FAM151B: variants seen among roughly 807,000 people sequenced by gnomAD.
FAM151B encodes family with sequence similarity 151 member B.
FAM151B carries 24 observed loss-of-function variants against 31.2 expected under a neutral mutation model. The observed-to-expected ratio is 0.77, with a 90% CI of 0.56 to 1.08. FAM151B has a LOEUF of 1.08. Ranked by LOEUF, FAM151B falls within the 50% of genes least tolerant of loss-of-function variation. The probability of loss-of-function intolerance (pLI) is 0.00; values close to 1 mark genes in which losing one functional copy is unlikely to be tolerated. For missense variants in FAM151B, 293 were observed against 328.6 expected (o/e 0.89, Z 0.84); for synonymous variants, 105 against 111.4 (o/e 0.94, Z 0.36).
At chr5:80,519,554 G>C in intron 3 of FAM151B, 139 bp from the exon 4 acceptor site, 1 of 695,066 alleles carries the variant, frequency 1.4e-6, no homozygotes, top group East Asian at 2.7e-5. Context: ...CTGGTGCTAT[G>C]CGATCTTTGA....
chr5:80,524,033 C>CA (rs879347705), intron 5 of FAM151B, among the ~76,000 whole-genome samples: 6 of 152,058 alleles, frequency 3.9e-5, no homozygotes, highest in Non-Finnish European at 7.4e-5. Context: ...AATCAAATAG[C>CA]ATACTGTATT....
At chr5:80,500,503 C>T in intron 1 of FAM151B, 4 of 766,196 alleles carry the variant, frequency 5.2e-6, no homozygotes, top group Admixed American at 1.7e-5. Flanking sequence ...AACACTGTCA[C>T]AAGGAATATA....
intron 5 of FAM151B, among the ~76,000 whole-genome samples, chr5:80,535,082 T>C (rs776091811): frequency 6.6e-6 from 1 of 152,148 alleles, no homozygotes; most frequent in African/African-American, 2.4e-5. Flanking sequence ...TATAAAACAC[T>C]GGTGCAAGAA....
At chr5:80,525,303 T>C (rs1016828076) in intron 5 of FAM151B, among the ~76,000 whole-genome samples, 4 of 152,156 alleles carry the variant, frequency 2.6e-5, no homozygotes, top group Non-Finnish European at 5.9e-5. Flanking sequence ...TCAAGAGAGC[T>C]ATTTGAAATA....
intron 3 of FAM151B, 144 bp downstream of exon 3, chr5:80,513,913 C>T: frequency 1.3e-6 from 1 of 778,052 alleles, no homozygotes; most frequent in Non-Finnish European, 1.9e-6. Context: ...ACCTAAGACC[C>T]ACTGAGTTAT....
intron 5 of FAM151B, among the ~76,000 whole-genome samples, chr5:80,529,273 C>G (rs1208900736): frequency 6.6e-6 from 1 of 152,084 alleles, no homozygotes; most frequent in East Asian, 1.9e-4. Context: ...TAAATGCCCA[C>G]AAGAGAAAGC....
intron 5 of FAM151B, among the ~76,000 whole-genome samples, chr5:80,537,822 T>G (rs1745588565): frequency 6.6e-6 from 1 of 152,212 alleles, no homozygotes; most frequent in South Asian, 2.1e-4. Context: ...AATGTTATTT[T>G]ATTTAAGTTT....
At chr5:80,488,230 C>A in intron 1 of FAM151B, 82 bp downstream of exon 1, 2 of 1,472,352 alleles carry the variant, frequency 1.4e-6, no homozygotes, top group Non-Finnish European at 1.8e-6. Context: ...TTTGCGGGCT[C>A]CCGCGGTCTT....
intron 1 of FAM151B, chr5:80,500,740 C>A: frequency 3.3e-6 from 3 of 916,398 alleles, no homozygotes; most frequent in South Asian, 1.3e-5. Flanking sequence ...GATTGTAGAG[C>A]CATATATAGC....
chr5:80,541,061 C>T (rs1413873487), intron 5 of FAM151B, among the ~76,000 whole-genome samples: 2 of 152,132 alleles, frequency 1.3e-5, no homozygotes, highest in Non-Finnish European at 2.9e-5. Flanking sequence ...GTTTAAGTAA[C>T]ATTAACATTC....
Position 80,519,828 on chromosome 5 carries a change from A to G in FAM151B, c.453A>G (p.Leu151=). ...NSKVIDAKPF[L]DTVISFFPDV... ...AAGTAATAGATGCAAAACCATTTTT[A>G]GACACCGTGATATCCTTCTTTCCAG... Residue 151 remains leucine, a synonymous_variant, in exon 4 of 6, where the codon TTA becomes TTG. Transcript: ENST00000282226. 6.2e-7 allele frequency: 1 copy of G among 1,614,132 alleles called. No individual in the cohort carries two copies. The highest frequency in any genetic ancestry group is 8.5e-7 in the Non-Finnish European group (1 of 1,179,964).
chr5:80,494,631 GC>G (rs767665618), intron 1 of FAM151B, among the ~76,000 whole-genome samples: 3 of 151,750 alleles, frequency 2.0e-5, no homozygotes, highest in African/African-American at 7.3e-5. Flanking sequence ...TCCCACCTCA[GC>G]CCCCCAAGTA....
chr5:80,510,389 T>G (rs1244297375), intron 2 of FAM151B, among the ~76,000 whole-genome samples: 2 of 152,228 alleles, frequency 1.3e-5, no homozygotes, highest in Non-Finnish European at 2.9e-5. Flanking sequence ...ATGAATGTCT[T>G]TACATGGTGG....
chr5:80,510,278 AT>A (rs1744132851), intron 2 of FAM151B, among the ~76,000 whole-genome samples: 1 of 152,174 alleles, frequency 6.6e-6, no homozygotes, highest in South Asian at 2.1e-4. Context: ...CCTCACTCAT[AT>A]GTCAGTGGCC....
chr5:80,522,294 G>A (rs563902105), intron 5 of FAM151B, 156 bp downstream of exon 5: 59 of 658,146 alleles, frequency 9.0e-5, no homozygotes, highest in East Asian at 1.1e-4. Flanking sequence ...CTCCCTCACC[G>A]GATTGGAGCT....
At chr5:80,522,297 T>C in intron 5 of FAM151B, 159 bp downstream of exon 5, 1 of 640,434 alleles carries the variant, frequency 1.6e-6, no homozygotes, top group Non-Finnish European at 2.4e-6. Context: ...CCTCACCGGA[T>C]TGGAGCTCCT....
chr5:80,523,238 A>T (rs1388949470), intron 5 of FAM151B, among the ~76,000 whole-genome samples: 3 of 152,226 alleles, frequency 2.0e-5, no homozygotes, highest in African/African-American at 7.2e-5. Flanking sequence ...TGAATACATA[A>T]AAATGGAAAG....
intron 2 of FAM151B, among the ~76,000 whole-genome samples, chr5:80,511,677 G>A (rs1379864071): frequency 1.3e-5 from 2 of 152,108 alleles, no homozygotes; most frequent in Admixed American, 1.3e-4. Flanking sequence ...CACAATCTCA[G>A]CTCACTGCAA....
In FAM151B at chr5:80,542,361, T is replaced by A. The variant is rs1007979685; in HGVS notation, c.*529T>A. The stretch of plus-strand genomic sequence containing the variant: ...AACTGTAGATTAAATTAGATAGATC[T>A]AGAATTTCCATGTGATTGAGAAGCA... On this transcript the variant is annotated 3_prime_UTR_variant, in exon 6 of 6. Transcript: ENST00000282226. 6.6e-6 allele frequency: 1 copy of A among 152,538 alleles called. No homozygotes were observed. The highest frequency in any genetic ancestry group is 1.9e-4 in the East Asian group (1 of 5,218). The allele number at this position is 152,538 out of a possible 1,614,324, so 9.4% of individuals were successfully genotyped here.
Sources: gnomAD v4.1 joint callset for allele counts (sites outside exome capture counted in the v4.1 genomes callset) on GRCh38, gnomAD v4.1.1 for gene constraint, MANE v1.5 for transcripts, NCBI Gene and HGNC (gene_info 2026-07-23, HGNC 2026-07-21) for gene names.